Variants in SLC24A4 observed in about 807,000 individuals in gnomAD.
SLC24A4 encodes solute carrier family 24 member 4, also known as sodium/potassium/calcium exchanger 4.
SLC24A4 carries 53 observed loss-of-function variants against 79.0 expected under a neutral mutation model. The observed-to-expected ratio is 0.67, with a 90% CI of 0.54 to 0.84. The LOEUF is 0.84. Ranked by LOEUF, SLC24A4 falls within the 40% of genes least tolerant of loss-of-function variation. The probability of loss-of-function intolerance (pLI) is 0.00; values close to 1 mark genes in which losing one functional copy is unlikely to be tolerated. For missense variants in SLC24A4, 731 were observed against 822.0 expected, an observed-to-expected ratio of 0.89 and a Z score of 1.35; for synonymous variants, 323 against 323.8, an observed-to-expected ratio of 1.00 and a Z score of 0.03.
At chr14:92,336,977 A>G (rs1471596586) in intron 2 of SLC24A4, among the ~76,000 whole-genome samples, 2 of 152,334 alleles carry the variant, frequency 1.3e-5, no homozygotes, top group East Asian at 3.9e-4. Flanking sequence ...CCAAGGGGAA[A>G]GAGAAAATAA....
intron 2 of SLC24A4, among the ~76,000 whole-genome samples, chr14:92,354,715 A>G (rs1887078555): frequency 6.6e-6 from 1 of 152,006 alleles, no homozygotes; most frequent in East Asian, 1.9e-4. Context: ...ACTTCTAACA[A>G]GCTCCCAGGT....
intron 2 of SLC24A4, among the ~76,000 whole-genome samples, chr14:92,422,031 G>A (rs577151280): frequency 6.6e-6 from 1 of 152,302 alleles, no homozygotes; most frequent in African/African-American, 2.4e-5. Context: ...GTGATTTCGT[G>A]TGTTGCTTTT....
intron 2 of SLC24A4, among the ~76,000 whole-genome samples, chr14:92,367,351 G>A (rs906728798): frequency 6.6e-6 from 1 of 152,216 alleles, no homozygotes; most frequent in African/African-American, 2.4e-5. Flanking sequence ...TAAGTTGACC[G>A]ATATGAAATG....
intron 2 of SLC24A4, among the ~76,000 whole-genome samples, chr14:92,368,725 G>T (rs1190587123): frequency 6.6e-6 from 1 of 152,152 alleles, no homozygotes; most frequent in African/African-American, 2.4e-5. Flanking sequence ...GGGGCAGGGG[G>T]AGCCAAAAAC....
chr14:92,473,985 G>T (rs889531322), intron 12 of SLC24A4, among the ~76,000 whole-genome samples: 1 of 152,156 alleles, frequency 6.6e-6, no homozygotes, highest in African/African-American at 2.4e-5. Flanking sequence ...CTGTACCCAG[G>T]CACCTCTGTA....
intron 12 of SLC24A4, among the ~76,000 whole-genome samples, chr14:92,460,487 G>A (rs1231757535): frequency 6.6e-6 from 1 of 152,120 alleles, no homozygotes. Flanking sequence ...AGAATCCCTG[G>A]GGGCCTGGGA....
chr14:92,387,217 C>T (rs1889214585), intron 2 of SLC24A4, among the ~76,000 whole-genome samples: 1 of 150,606 alleles, frequency 6.6e-6, no homozygotes, highest in Non-Finnish European at 1.5e-5. Context: ...CGCTGTGTCA[C>T]CCAGGCTGGA....
At position 92,493,780 on chromosome 14, in the gene SLC24A4, C is replaced by A; in HGVS notation, c.*152C>A. On this transcript the variant is annotated 3_prime_UTR_variant, in exon 17 of 17. Coordinates refer to ENST00000532405, the MANE Select transcript of SLC24A4 (RefSeq NM_153646.4). ...AAGGAAGAGCCATCGTGGTCTTTGT[C>A]TGGCCACAGGCCAGGCTGCTGGGCA... is the stretch of plus-strand genomic sequence containing the variant. The A allele has an allele frequency of 2.1e-6, 2 of 945,300 alleles. No individual in the cohort carries two copies. The highest frequency in any genetic ancestry group is 3.1e-6 in the Non-Finnish European group (2 of 647,478). The allele number at this position is 945,300 out of a possible 1,614,324, so 58.6% of individuals were successfully genotyped here. A position where few individuals can be genotyped will look rare whatever the true frequency, so the allele number is the denominator to read the frequency against.
chr14:92,468,958 G>T (rs1469969811), intron 12 of SLC24A4, among the ~76,000 whole-genome samples: 1 of 150,152 alleles, frequency 6.7e-6, no homozygotes, highest in East Asian at 2.0e-4. Context: ...AACAATAAAA[G>T]ACAATCCAAT....
intron 13 of SLC24A4, among the ~76,000 whole-genome samples, chr14:92,485,443 C>G (rs186697610): frequency 6.6e-6 from 1 of 151,170 alleles, no homozygotes; most frequent in East Asian, 2.0e-4. Flanking sequence ...CCAGCCTGGG[C>G]TATGGAGCAG....
chr14:92,447,643 G>A (rs551255764), intron 9 of SLC24A4, among the ~76,000 whole-genome samples: 38 of 152,196 alleles, frequency 2.5e-4, no homozygotes, highest in Non-Finnish European at 4.4e-4. Flanking sequence ...GGGGAGTCAC[G>A]CTGGTGGCTG....
intron 10 of SLC24A4, among the ~76,000 whole-genome samples, chr14:92,449,511 A>G (rs1893019267): frequency 6.6e-6 from 1 of 152,210 alleles, no homozygotes; most frequent in South Asian, 2.1e-4. Flanking sequence ...CTTCTGGGAA[A>G]GGCGTAAGGC....
At chr14:92,474,821 A>G (rs1371744434) in intron 12 of SLC24A4, among the ~76,000 whole-genome samples, 2 of 16,234 alleles carry the variant, frequency 1.2e-4, no homozygotes, top group Admixed American at 1.5e-3. Context: ...ACATATATAT[A>G]CATATATATG....
chr14:92,403,936 A>G (rs1050227350), intron 2 of SLC24A4, among the ~76,000 whole-genome samples: 1 of 149,428 alleles, frequency 6.7e-6, no homozygotes, highest in East Asian at 2.0e-4. Flanking sequence ...GTTAAGAGGT[A>G]AAGCGGATGG....
At chr14:92,385,682 G>A (rs1889115267) in intron 2 of SLC24A4, among the ~76,000 whole-genome samples, 1 of 152,004 alleles carries the variant, frequency 6.6e-6, no homozygotes, top group Non-Finnish European at 1.5e-5. Context: ...GCACAGCTGC[G>A]GGGCCCCATT....
chr14:92,341,734 CTG>C (rs1886155524), intron 2 of SLC24A4, among the ~76,000 whole-genome samples: 1 of 152,178 alleles, frequency 6.6e-6, no homozygotes, highest in African/African-American at 2.4e-5. Flanking sequence ...ATTCCATCCT[CTG>C]GGATGTTTCA....
chr14:92,464,236 G>T (rs566286852), intron 12 of SLC24A4, among the ~76,000 whole-genome samples: 1 of 152,264 alleles, frequency 6.6e-6, no homozygotes, highest in South Asian at 2.1e-4. Flanking sequence ...TTTTAGAGTG[G>T]CCTTCTTATA....
At chr14:92,414,522 G>A (rs943381260) in intron 2 of SLC24A4, among the ~76,000 whole-genome samples, 2 of 152,210 alleles carry the variant, frequency 1.3e-5, no homozygotes, top group African/African-American at 4.8e-5. Flanking sequence ...GATCCGTTAA[G>A]TCCCGGAGTA....
At chr14:92,416,524 C>G (rs1399789649) in intron 2 of SLC24A4, among the ~76,000 whole-genome samples, 1 of 152,120 alleles carries the variant, frequency 6.6e-6, no homozygotes, top group Admixed American at 6.5e-5. Flanking sequence ...TTTACTGTCT[C>G]ATTCATTTTG....
Sources: allele counts gnomAD v4.1 joint callset (sites outside exome capture counted in the v4.1 genomes callset), GRCh38; gene constraint gnomAD v4.1.1; transcripts MANE v1.5; gene names NCBI Gene and HGNC (gene_info 2026-07-23, HGNC 2026-07-21).